Variants in RAB7A observed in about 807,000 individuals in gnomAD.
RAB7A encodes ras-related protein Rab-7a.
RAB7A carries 2 observed loss-of-function variants against 24.5 expected under a neutral mutation model. That is an observed-to-expected ratio of 0.08 (90% confidence interval 0.03 to 0.26). RAB7A has a LOEUF of 0.26. RAB7A is among the 10% of genes least tolerant of loss of function. The pLI is 1.00. For missense variants in RAB7A, 118 were observed against 255.7 expected (o/e 0.46, Z 3.67); for synonymous variants, 100 against 95.9 (o/e 1.04, Z -0.25).
At chr3:128,764,688 AT>A (rs1267904166) in intron 1 of RAB7A, 22 of 836,276 alleles carry the variant, frequency 2.6e-5, no homozygotes, top group East Asian at 2.4e-4. Context: ...ACTGATTCAC[AT>A]TTTTTTCCAA....
rs35457218 is a variant in RAB7A at position 128,768,969 on chromosome 3, C to CTTTTT, written c.-8-26369_-8-26365dup. On this transcript the variant is annotated intron_variant, in intron 1 of 5. Coordinates refer to ENST00000265062, the MANE Select transcript of RAB7A (RefSeq NM_004637.6). ...CTTTCCTTTTTTCTTTCTTTCTTTC[C>CTTTTT]TTTTTTTTTTTTTTTTTTTTTTTTT... Among the ~76,000 whole-genome samples the CTTTTT allele has an allele frequency of 4.1e-3, 298 of 72,610 alleles. 21 individuals are homozygous for CTTTTT. Among genetic ancestry groups the CTTTTT allele is most frequent in the Admixed American group, 7.0e-3 (36 of 5,170 alleles). The allele number at this position is 72,610 out of a possible 152,430, so 47.6% of individuals were successfully genotyped here.
chr3:128,795,751 C>CTTTTTTTTTTTGTTTTTTTTTTT (rs1933556018), intron 2 of RAB7A, among the ~76,000 whole-genome samples: 1 of 43,032 alleles, frequency 2.3e-5, no homozygotes, highest in Non-Finnish European at 4.7e-5. Context: ...AGCAGATGTG[C>CTTTTTTTTTTTGTTTTTTTTTTT]TTTTTTTTTT....
intron 1 of RAB7A, among the ~76,000 whole-genome samples, chr3:128,789,900 C>T (rs1290071577): frequency 6.6e-6 from 1 of 151,730 alleles, no homozygotes; most frequent in Non-Finnish European, 1.5e-5. Flanking sequence ...AAGCGATTCT[C>T]CTGCCTCAGC....
rs1933676040 is a variant in RAB7A, at chr3:128,800,513, C to T, written c.180+2444C>T. ...TTGAAGTAAACCCCATCAGGAGATC[C>T]ACAGCGCACTGTGGGCTTCTCAAGA... On this transcript the variant is annotated intron_variant, in intron 3 of 5. Coordinates refer to ENST00000265062, the MANE Select transcript of RAB7A (RefSeq NM_004637.6). Among the ~76,000 whole-genome samples the T allele has an allele frequency of 2.0e-5, 3 of 152,184 alleles. No individual in the cohort carries two copies. The South Asian group carries it at 6.2e-4, about 32-fold the overall frequency.
chr3:128,773,354 A>G (rs1302281853), intron 1 of RAB7A, among the ~76,000 whole-genome samples: 1 of 134,854 alleles, frequency 7.4e-6, no homozygotes, highest in Non-Finnish European at 1.6e-5. Flanking sequence ...GAGCCCCTCC[A>G]CCCGGCAGCC....
At chr3:128,778,541 T>A (rs926920596) in intron 1 of RAB7A, among the ~76,000 whole-genome samples, 2 of 152,184 alleles carry the variant, frequency 1.3e-5, no homozygotes, top group Non-Finnish European at 2.9e-5. Flanking sequence ...CTTGGGCAGT[T>A]AAAATCACTA....
chr3:128,774,654 A>G (rs1260664362), intron 1 of RAB7A, among the ~76,000 whole-genome samples: 4 of 152,122 alleles, frequency 2.6e-5, no homozygotes, highest in Non-Finnish European at 5.9e-5. Flanking sequence ...GCTCACTGCA[A>G]GCTCCGCTCC....
chr3:128,809,292 C>G (rs1933867797), intron 5 of RAB7A, among the ~76,000 whole-genome samples: 1 of 152,208 alleles, frequency 6.6e-6, no homozygotes, highest in South Asian at 2.1e-4. Context: ...AATAACATTT[C>G]AGCAATGTGG....
At chr3:128,773,054 G>A (rs532853069) in intron 1 of RAB7A, among the ~76,000 whole-genome samples, 102 of 151,996 alleles carry the variant, frequency 6.7e-4, no homozygotes, top group African/African-American at 2.4e-3. Context: ...GCTGCCCATC[G>A]TCTGGGATGC....
intron 3 of RAB7A, among the ~76,000 whole-genome samples, chr3:128,800,279 A>C (rs558739623): frequency 6.6e-6 from 1 of 152,262 alleles, no homozygotes; most frequent in South Asian, 2.1e-4. Context: ...GAGCTGGGGT[A>C]AAGGCCCATC....
At chr3:128,737,033 A>C (rs148079286) in intron 1 of RAB7A, among the ~76,000 whole-genome samples, 585 of 50,012 alleles carry the variant, frequency 0.012, 2 homozygotes, top group Non-Finnish European at 0.015. Flanking sequence ...GATCCTAAGA[A>C]ATTTATTTAT....
At chr3:128,751,009 C>A (rs1490820074) in intron 1 of RAB7A, among the ~76,000 whole-genome samples, 1 of 152,234 alleles carries the variant, frequency 6.6e-6, no homozygotes, top group Non-Finnish European at 1.5e-5. Context: ...CCACGTGGTG[C>A]TGAGTCTGCG....
At chr3:128,763,452 T>G (rs1327040445) in intron 1 of RAB7A, among the ~76,000 whole-genome samples, 1 of 151,982 alleles carries the variant, frequency 6.6e-6, no homozygotes, top group Non-Finnish European at 1.5e-5. Flanking sequence ...CTCCTGATTT[T>G]GTGATCCGCC....
intron 1 of RAB7A, chr3:128,764,928 G>C (rs569273036): frequency 6.3e-7 from 1 of 1,591,214 alleles, no homozygotes; most frequent in African/African-American, 1.3e-5. Context: ...CGTAGGAGGC[G>C]TAGAGCTCCA....
At chr3:128,790,872 A>T (rs1933439912) in intron 1 of RAB7A, among the ~76,000 whole-genome samples, 1 of 152,274 alleles carries the variant, frequency 6.6e-6, no homozygotes, top group Middle Eastern at 3.4e-3. Context: ...TGTTTATATT[A>T]AATGCTCCCC....
chr3:128,789,431 G>T (rs558765223), intron 1 of RAB7A, among the ~76,000 whole-genome samples: 30 of 151,358 alleles, frequency 2.0e-4, no homozygotes, highest in African/African-American at 7.0e-4. Flanking sequence ...TGCCTCCTGG[G>T]TTCAAGTGAT....
At chr3:128,734,337 A>G (rs1372676982) in intron 1 of RAB7A, among the ~76,000 whole-genome samples, 1 of 151,828 alleles carries the variant, frequency 6.6e-6, no homozygotes. Flanking sequence ...AGGCTGAGAC[A>G]TGACAATCGC....
Position 128,813,823 on chromosome 3 carries a change from A to C in RAB7A, c.*401A>C, listed in dbSNP as rs2107618658. 3.7e-6 allele frequency: 1 copy of C among 272,434 alleles called. No homozygotes were observed. The allele number at this position is 272,434 out of a possible 1,614,324, so 16.9% of individuals were successfully genotyped here. A position where few individuals can be genotyped will look rare whatever the true frequency, so the allele number is the denominator to read the frequency against. On this transcript the variant is annotated 3_prime_UTR_variant, in exon 6 of 6. Coordinates refer to ENST00000265062, the MANE Select transcript of RAB7A (RefSeq NM_004637.6). ...CAGTTAATCTGTGTCTAATTATCTG[A>C]TTTTTTTTATTGGTCTTGTGGTCTT...
intron 1 of RAB7A, among the ~76,000 whole-genome samples, chr3:128,794,262 A>G (rs1933521947): frequency 6.6e-6 from 1 of 152,168 alleles, no homozygotes; most frequent in East Asian, 1.9e-4. Flanking sequence ...GCCAGTATTT[A>G]CTAGTCATCT....
Sources: allele counts gnomAD v4.1 joint callset (sites outside exome capture counted in the v4.1 genomes callset), GRCh38; gene constraint gnomAD v4.1.1; transcripts MANE v1.5; gene names NCBI Gene and HGNC (gene_info 2026-07-23, HGNC 2026-07-21).